The following FOXJ3 variants were observed in gnomAD, a reference collection of about 807,000 sequenced individuals.
FOXJ3 encodes forkhead box J3.
Under a neutral mutation model 76.1 loss-of-function variants are expected in FOXJ3, and 22 were observed. The observed-to-expected ratio is 0.29, with a 90% CI of 0.21 to 0.41. The LOEUF (loss-of-function observed/expected upper bound fraction) is 0.41. FOXJ3 is among the 10% of genes least tolerant of loss of function. The pLI is 1.00. For synonymous variants in FOXJ3, 269 were observed against 261.2 expected (o/e 1.03, Z -0.29); for missense variants, 613 against 762.1 (o/e 0.80, Z 2.30).
chr1:42,311,110 T>G lies in FOXJ3; in HGVS notation c.-17A>C. ...CAAACCCATCTGGCCACAAAGAGAATCTGAAAAGCAAAGAAGAGTTAGTTA... is the reference window on the plus strand; with the variant it reads ...CAAACCCATCTGGCCACAAAGAGAAGCTGAAAAGCAAAGAAGAGTTAGTTA... On this transcript the variant is annotated splice_region_variant and 5_prime_UTR_variant, in exon 2 of 13. Coordinates refer to ENST00000361346, the MANE Select transcript of FOXJ3 (RefSeq NM_014947.5). The G allele has an allele frequency of 6.3e-7, 1 of 1,589,142 alleles. No homozygotes were observed. The highest frequency in any genetic ancestry group is 8.5e-7 in the Non-Finnish European group (1 of 1,169,732).
intron 1 of FOXJ3, among the ~76,000 whole-genome samples, chr1:42,328,532 A>T (rs1244909841): frequency 6.6e-6 from 1 of 152,070 alleles, no homozygotes; most frequent in East Asian, 1.9e-4. Context: ...AAATCAAATC[A>T]CTTTAGATTT....
chr1:42,252,423 A>G (rs970147499), intron 4 of FOXJ3, among the ~76,000 whole-genome samples: 27 of 152,240 alleles, frequency 1.8e-4, no homozygotes, highest in Admixed American at 5.2e-4. Context: ...AGGTGTTTGT[A>G]GTATTCTCTG....
chr1:42,272,287 T>C (rs547339822), intron 3 of FOXJ3, among the ~76,000 whole-genome samples: 1 of 152,362 alleles, frequency 6.6e-6, no homozygotes, highest in South Asian at 2.1e-4. Flanking sequence ...GAAGAAGAGT[T>C]AGCAGCAGAC....
intron 2 of FOXJ3, 135 bp from the exon 3 acceptor site, chr1:42,278,807 G>T: frequency 1.6e-6 from 1 of 621,460 alleles, no homozygotes; most frequent in Non-Finnish European, 2.8e-6. Flanking sequence ...GATTGAGTAT[G>T]TTAATGAGCA....
chr1:42,225,905 T>C (rs2124446903), intron 5 of FOXJ3, among the ~76,000 whole-genome samples: 1 of 152,108 alleles, frequency 6.6e-6, no homozygotes, highest in South Asian at 2.1e-4. Flanking sequence ...TAAAACAAGG[T>C]AACAAGAATA....
At chr1:42,243,894 T>C (rs1201321253) in intron 4 of FOXJ3, among the ~76,000 whole-genome samples, 2 of 152,210 alleles carry the variant, frequency 1.3e-5, no homozygotes, top group Non-Finnish European at 2.9e-5. Context: ...GTACATGGAA[T>C]ATTCCCCAGG....
chr1:42,219,767 A>G (rs1453789968), intron 5 of FOXJ3, among the ~76,000 whole-genome samples: 1 of 152,178 alleles, frequency 6.6e-6, no homozygotes, highest in Non-Finnish European at 1.5e-5. Context: ...CTCTACAAAA[A>G]TAAGAAAAAC....
At chr1:42,214,728 C>G (rs1450162411) in intron 5 of FOXJ3, among the ~76,000 whole-genome samples, 1 of 152,208 alleles carries the variant, frequency 6.6e-6, no homozygotes, top group Non-Finnish European at 1.5e-5. Flanking sequence ...GTGCAGACAG[C>G]TAAAGCTGTT....
At chr1:42,297,915 AATCT>A (rs1653889365) in intron 2 of FOXJ3, among the ~76,000 whole-genome samples, 1 of 152,152 alleles carries the variant, frequency 6.6e-6, no homozygotes. Context: ...TTCAGCTACA[AATCT>A]ATCTGGTCCT....
intron 4 of FOXJ3, among the ~76,000 whole-genome samples, chr1:42,264,254 A>C (rs1651303073): frequency 6.6e-6 from 1 of 152,120 alleles, no homozygotes; most frequent in Admixed American, 6.6e-5. Context: ...CTTCATGATG[A>C]GTCTTGAATG....
At chr1:42,228,443 C>T (rs564723061) in intron 4 of FOXJ3, among the ~76,000 whole-genome samples, 2 of 151,950 alleles carry the variant, frequency 1.3e-5, no homozygotes, top group East Asian at 3.9e-4. Context: ...AAACTTTTTA[C>T]TGCTTACTCT....
intron 2 of FOXJ3, among the ~76,000 whole-genome samples, chr1:42,292,484 C>T (rs1193062989): frequency 2.0e-5 from 3 of 152,178 alleles, no homozygotes. Context: ...GAATGAACTG[C>T]TGATGCATGC....
At chr1:42,280,276 A>G in intron 2 of FOXJ3, 1 of 982,220 alleles carries the variant, frequency 1.0e-6, no homozygotes, top group Non-Finnish European at 1.2e-6. Flanking sequence ...GACAACCACG[A>G]GGATTCTACC....
At chr1:42,245,939 A>T (rs1359872329) in intron 4 of FOXJ3, among the ~76,000 whole-genome samples, 1 of 152,150 alleles carries the variant, frequency 6.6e-6, no homozygotes, top group Non-Finnish European at 1.5e-5. Context: ...AAAAAACTCA[A>T]TGGTCCTAGG....
chr1:42,254,700 A>C (rs1256227604), intron 4 of FOXJ3, among the ~76,000 whole-genome samples: 1 of 145,576 alleles, frequency 6.9e-6, no homozygotes, highest in East Asian at 2.0e-4. Context: ...CATTCTCAGT[A>C]AACTATCGCA....
rs145631581 is a variant in FOXJ3, at chr1:42,299,225, C to T, written c.44+11825G>A. ...GTCAGTGAGGTGTTGATGTTCTCCACTATTATTGTATTGCTATCAATCTGT... is the reference window on the plus strand; with the variant it reads ...GTCAGTGAGGTGTTGATGTTCTCCATTATTATTGTATTGCTATCAATCTGT... On this transcript the variant is annotated intron_variant, in intron 2 of 12. Coordinates refer to ENST00000361346, the MANE Select transcript of FOXJ3 (RefSeq NM_014947.5). Among the ~76,000 whole-genome samples the T allele has an allele frequency of 3.3e-4, 50 of 152,306 alleles. No individual in the cohort carries two copies. In the East Asian group the frequency reaches 9.1e-3, roughly 28 times the overall value.
intron 4 of FOXJ3, among the ~76,000 whole-genome samples, chr1:42,231,177 T>C (rs998459835): frequency 1.3e-5 from 2 of 151,246 alleles, no homozygotes; most frequent in African/African-American, 4.9e-5. Flanking sequence ...ATACAAAAAA[T>C]TAGCAGGGCA....
At chr1:42,288,018 T>C (rs1487152124) in intron 2 of FOXJ3, among the ~76,000 whole-genome samples, 8 of 152,154 alleles carry the variant, frequency 5.3e-5, no homozygotes, top group Middle Eastern at 3.2e-3. Context: ...CTAAGGATCA[T>C]ATATGGTCAA....
At chr1:42,232,503 G>C (rs1416946003) in intron 4 of FOXJ3, among the ~76,000 whole-genome samples, 1 of 149,080 alleles carries the variant, frequency 6.7e-6, no homozygotes, top group Non-Finnish European at 1.5e-5. Context: ...ACTGGTGTGA[G>C]ATGGTATCTC....
Sources: allele counts gnomAD v4.1 joint callset (sites outside exome capture counted in the v4.1 genomes callset), GRCh38; gene constraint gnomAD v4.1.1; transcripts MANE v1.5; gene names NCBI Gene and HGNC (gene_info 2026-07-23, HGNC 2026-07-21).